Variants in TNNI3K observed in about 807,000 individuals in gnomAD.
TNNI3K encodes TNNI3 interacting kinase.
A neutral mutation model predicts 114.5 loss-of-function variants in TNNI3K; 140 were observed. That is an observed-to-expected ratio of 1.22 (90% confidence interval 1.07 to 1.41). The LOEUF is 1.41. TNNI3K is among the 40% of genes most tolerant of loss of function. The pLI, the probability that TNNI3K is intolerant of heterozygous loss-of-function variation, is 0.00. For synonymous variants in TNNI3K, 347 were observed against 347.5 expected (o/e 1.00, Z 0.02); for missense variants, 1,125 against 1,007.6 (o/e 1.12, Z -1.58).
chr1:74,470,113 C>T (rs1264209719), intron 21 of TNNI3K: 4 of 400,566 alleles, frequency 1.0e-5, no homozygotes, highest in Non-Finnish European at 1.8e-5. Flanking sequence ...TTGAACTTCT[C>T]TAAAATTATG....
At chr1:74,332,563 G>A (rs553610268) in intron 6 of TNNI3K, among the ~76,000 whole-genome samples, 2 of 152,218 alleles carry the variant, frequency 1.3e-5, no homozygotes, top group East Asian at 3.9e-4. Flanking sequence ...GCCTCCTGAA[G>A]TCCTGGGATT....
intron 23 of TNNI3K, among the ~76,000 whole-genome samples, chr1:74,534,165 G>A (rs539994573): frequency 1.8e-4 from 28 of 152,164 alleles, no homozygotes; most frequent in Admixed American, 1.5e-3. Flanking sequence ...ATAGTAGAAC[G>A]TAATGTTCTG....
rs569885450 is a variant in TNNI3K at position 74,294,451 on chromosome 1, C to T, written c.444+22743C>T. Among the ~76,000 whole-genome samples, 7 of 152,110 alleles carry T rather than the reference C, an allele frequency of 4.6e-5. No individual in the cohort carries two copies. The East Asian group carries it at 1.2e-3, about 25-fold the overall frequency. On this transcript the variant is annotated intron_variant, in intron 5 of 24. Transcript: ENST00000326637. ...GAATCTGTTGATACTGACACTGGCT[C>T]AGGGTGCATTTTGCACACCTCTTTC...
At chr1:74,245,319 T>A (rs1014848448) in intron 2 of TNNI3K, among the ~76,000 whole-genome samples, 1 of 152,170 alleles carries the variant, frequency 6.6e-6, no homozygotes, top group African/African-American at 2.4e-5. Flanking sequence ...GTGGAGTGAT[T>A]CTATTAATGA....
rs140174994 is a variant in TNNI3K, at chr1:74,247,067, T to G, written c.150-2392T>G. 4.7e-3 allele frequency among the ~76,000 whole-genome samples: 710 copies of G among 152,244 alleles called. 6 individuals are homozygous for G. The highest frequency in any genetic ancestry group is 0.016 in the African/African-American group (673 of 41,534). On this transcript the variant is annotated intron_variant, in intron 2 of 24. Coordinates refer to ENST00000326637, the MANE Select transcript of TNNI3K (RefSeq NM_015978.3). ...TTTGTCCTGTTGTGTCCGGAATTGGTGGGTTCTTGGTCTCACTGACTTCAA... is the reference window on the plus strand; with the variant it reads ...TTTGTCCTGTTGTGTCCGGAATTGGGGGGTTCTTGGTCTCACTGACTTCAA...
intron 5 of TNNI3K, among the ~76,000 whole-genome samples, chr1:74,309,465 G>A (rs1040580308): frequency 3.4e-5 from 5 of 148,640 alleles, no homozygotes; most frequent in Non-Finnish European, 7.4e-5. Context: ...TAGAAAACTA[G>A]TATCACCTTG....
chr1:74,255,324 A>G (rs1187704399), intron 4 of TNNI3K, among the ~76,000 whole-genome samples: 5 of 145,476 alleles, frequency 3.4e-5, no homozygotes, highest in Non-Finnish European at 6.0e-5. Flanking sequence ...ACTGCACTCC[A>G]GCCTGGGCGA....
intron 5 of TNNI3K, among the ~76,000 whole-genome samples, chr1:74,283,001 G>C (rs1416476468): frequency 6.6e-6 from 1 of 152,082 alleles, no homozygotes; most frequent in South Asian, 2.1e-4. Context: ...ATGATTGATA[G>C]GTATTATAAT....
chr1:74,510,581 A>G (rs898407683), intron 23 of TNNI3K, among the ~76,000 whole-genome samples: 4 of 152,228 alleles, frequency 2.6e-5, no homozygotes, highest in African/African-American at 9.6e-5. Context: ...ATTATTGCTC[A>G]TTAAATTAAA....
chr1:74,322,249 G>A (rs1659651746), intron 5 of TNNI3K, among the ~76,000 whole-genome samples: 2 of 152,088 alleles, frequency 1.3e-5, no homozygotes, highest in Admixed American at 1.3e-4. Context: ...GTTCTGCCAA[G>A]GGTAACCAAA....
intron 23 of TNNI3K, among the ~76,000 whole-genome samples, chr1:74,530,656 G>T (rs879149442): frequency 6.6e-6 from 1 of 152,008 alleles, no homozygotes; most frequent in Non-Finnish European, 1.5e-5. Context: ...TTGGTAAGAT[G>T]GTAGGTGGGA....
At chr1:74,450,369 T>C (rs1321919646) in intron 20 of TNNI3K, among the ~76,000 whole-genome samples, 1 of 151,548 alleles carries the variant, frequency 6.6e-6, no homozygotes, top group African/African-American at 2.4e-5. Flanking sequence ...AGCAAACACA[T>C]TCAAAAGCTA....
intron 17 of TNNI3K, among the ~76,000 whole-genome samples, chr1:74,424,256 G>C (rs953791962): frequency 6.6e-6 from 1 of 152,080 alleles, no homozygotes; most frequent in African/African-American, 2.4e-5. Flanking sequence ...GCATTATGTG[G>C]TATGATATAA....
At chr1:74,483,486 A>C (rs751687751) in intron 21 of TNNI3K, 1 of 552,890 alleles carries the variant, frequency 1.8e-6, no homozygotes, top group East Asian at 3.0e-5. Context: ...TTCAATGAGC[A>C]TCTTGGTGTT....
intron 17 of TNNI3K, 29 bp from the exon 18 acceptor site, chr1:74,436,051 T>C: frequency 6.4e-7 from 1 of 1,555,438 alleles, no homozygotes; most frequent in Non-Finnish European, 8.6e-7. Flanking sequence ...TTACTCAATG[T>C]CTACTTTTTT....
At chr1:74,297,152 C>T (rs1413193194) in intron 5 of TNNI3K, among the ~76,000 whole-genome samples, 1 of 151,540 alleles carries the variant, frequency 6.6e-6, no homozygotes, top group African/African-American at 2.4e-5. Flanking sequence ...TTCTTTTTCT[C>T]TTTGTCTCTG....
At position 74,504,685 on chromosome 1, in the gene TNNI3K, G is replaced by A. The variant is rs187031686; in HGVS notation, c.2351+12419G>A. Among the ~76,000 whole-genome samples, 459 of 152,124 alleles carry A rather than the reference G, an allele frequency of 3.0e-3. 1 individual carries two copies. The highest frequency in any genetic ancestry group is 0.011 in the African/African-American group (442 of 41,496). On this transcript the variant is annotated intron_variant, in intron 23 of 24. Coordinates refer to ENST00000326637, the MANE Select transcript of TNNI3K (RefSeq NM_015978.3). ...ATTTATTGTCACACATAAAAGATTT[G>A]CATGAAAAGAGTGAGCGAGTGACAT...
intron 20 of TNNI3K, among the ~76,000 whole-genome samples, chr1:74,451,767 C>CTTTTCTTTTCTT (rs60534624): frequency 3.1e-5 from 1 of 32,498 alleles, no homozygotes. Context: ...CTTTTCTTTT[C>CTTTTCTTTTCTT]TTCTTTTCTT....
intron 10 of TNNI3K, 86 bp from the exon 11 acceptor site, chr1:74,353,894 A>T: frequency 6.8e-7 from 1 of 1,481,250 alleles, no homozygotes; most frequent in East Asian, 2.3e-5. Flanking sequence ...AAATAATGCT[A>T]TTATGTGGTG....
Sources: gnomAD v4.1 joint callset for allele counts (sites outside exome capture counted in the v4.1 genomes callset) on GRCh38, gnomAD v4.1.1 for gene constraint, MANE v1.5 for transcripts, NCBI Gene and HGNC (gene_info 2026-07-23, HGNC 2026-07-21) for gene names.